Variants in NACC2 observed in about 807,000 individuals in gnomAD.
NACC2 encodes the protein nucleus accumbens-associated protein 2.
Under a neutral mutation model 25.1 loss-of-function variants are expected in NACC2, and 8 were observed. That is an observed-to-expected ratio of 0.32 (90% CI 0.19 to 0.57). The LOEUF is 0.57. Among genes scored for constraint, NACC2 ranks in the 20% least tolerant of loss-of-function variants. NACC2 has a pLI of 0.89. For synonymous variants in NACC2, 435 were observed against 294.7 expected, an observed-to-expected ratio of 1.48 and a Z score of -4.88; for missense variants, 644 against 650.2, an observed-to-expected ratio of 0.99 and a Z score of 0.10.
chr9:136,022,899 G>A lies in NACC2; in HGVS notation c.887-6470C>T, dbSNP rs1452678242. ...AAGGCAAACCATCACCAATTACCAC[G>A]CCATGCCACGCCACACCGTGCCTGT... is the stretch of plus-strand genomic sequence containing the variant. On this transcript the variant is annotated intron_variant, in intron 2 of 5. Coordinates refer to ENST00000277554, the MANE Select transcript of NACC2 (RefSeq NM_144653.5). This position sits in a 1 kb window ranked among gnomAD's most constrained non-coding sequence, Gnocchi z 4.4. 7.7e-6 allele frequency among the ~76,000 whole-genome samples: 1 copy of A among 129,358 alleles called. No individual in the cohort carries two copies. Among genetic ancestry groups the A allele is most frequent in the Non-Finnish European group, 1.6e-5 (1 of 62,376 alleles). 84.9% of individuals were successfully genotyped at this position (129,358 alleles called of 152,430 possible).
chr9:136,027,746 GCTTTA>G (rs1381036186), intron 2 of NACC2, among the ~76,000 whole-genome samples: 1 of 152,100 alleles, frequency 6.6e-6, no homozygotes, highest in Non-Finnish European at 1.5e-5. Flanking sequence ...AGCCCTAAGT[GCTTTA>G]CTTTAAAAGG....
In NACC2 at chr9:136,051,863, G is replaced by A. The variant is rs891852843; in HGVS notation, c.-59-1283C>T. On this transcript the variant is annotated intron_variant, in intron 1 of 5. Coordinates refer to ENST00000277554, the MANE Select transcript of NACC2 (RefSeq NM_144653.5). ...GCGGGAGCCCTGGGGCGGGGAGGGC[G>A]CAGGGAGCCGGCAAGGAGGAGGAGG... Among the ~76,000 whole-genome samples the A allele has an allele frequency of 5.7e-4, 86 of 150,690 alleles. 1 individual carries two copies. Among genetic ancestry groups the A allele is most frequent in the African/African-American group, 2.1e-3 (84 of 40,830 alleles).
rs200462467 is a variant in NACC2 at position 136,063,906 on chromosome 9, AC to A, written c.-59-13327del. Among the ~76,000 whole-genome samples the A allele has an allele frequency of 2.3e-3, 344 of 151,384 alleles. 3 individuals carry two copies. Among genetic ancestry groups the A allele is most frequent in the African/African-American group, 7.9e-3 (326 of 41,148 alleles). ...CTCAAAAAAAAAAAAAACAAAAAAA[AC>A]AAAAATCACTTAAACAGCTGTGCCC... On this transcript the variant is annotated intron_variant, in intron 1 of 5. Coordinates refer to ENST00000277554, the MANE Select transcript of NACC2 (RefSeq NM_144653.5).
At chr9:136,051,359 C>T (rs1840832235) in intron 1 of NACC2, among the ~76,000 whole-genome samples, 1 of 152,188 alleles carries the variant, frequency 6.6e-6, no homozygotes, top group Non-Finnish European at 1.5e-5. Flanking sequence ...CGCGGACGCC[C>T]CCCACCCCGC....
At chr9:136,081,340 G>C (rs182511744) in intron 1 of NACC2, among the ~76,000 whole-genome samples, 2 of 152,190 alleles carry the variant, frequency 1.3e-5, no homozygotes, top group African/African-American at 4.8e-5. Flanking sequence ...CCCCAACCAA[G>C]ATGAAGCCAG....
At chr9:136,058,257 C>T (rs1268423935) in intron 1 of NACC2, among the ~76,000 whole-genome samples, 4 of 152,232 alleles carry the variant, frequency 2.6e-5, no homozygotes, top group Non-Finnish European at 4.4e-5. Context: ...CCCCAAAGGG[C>T]GAACTACAGG....
intron 3 of NACC2, among the ~76,000 whole-genome samples, 176 bp downstream of exon 3, chr9:136,016,089 A>G (rs1220610116): frequency 7.2e-5 from 11 of 152,228 alleles, no homozygotes; most frequent in Admixed American, 7.2e-4. Context: ...TGCTAAATTA[A>G]TTCAATTGAA....
chr9:136,080,431 G>A (rs1208622200), intron 1 of NACC2, among the ~76,000 whole-genome samples: 1 of 152,184 alleles, frequency 6.6e-6, no homozygotes, highest in South Asian at 2.1e-4. Context: ...AATTAGCTGG[G>A]CGTGGTGGCG....
rs1185717905 is a variant in NACC2, at chr9:136,084,202, C to T, written c.-60+10987G>A. Among the ~76,000 whole-genome samples the T allele has an allele frequency of 1.3e-5, 2 of 152,142 alleles. No individual in the cohort carries two copies. Among genetic ancestry groups the T allele is most frequent in the East Asian group, 3.9e-4 (2 of 5,188 alleles). ...CGATGAGACCCTCAACACCCACTCA[C>T]CAACCTGCAGCCTCCCCGCTCCCAG... On this transcript the variant is annotated intron_variant, in intron 1 of 5. Transcript: ENST00000277554. This position sits in a 1 kb window ranked among gnomAD's most constrained non-coding sequence, Gnocchi z 5.1.
In NACC2 at chr9:136,016,290, G is replaced by A. The variant is rs752889119; in HGVS notation, c.1026C>T (p.Pro342=). The change falls in exon 3 of 6, where the codon CCC becomes CCT. Residue 342 remains proline (P), a synonymous_variant. Coordinates refer to ENST00000277554, the MANE Select transcript of NACC2 (RefSeq NM_144653.5). Reference sequence around the variant, plus strand: ...CTGCCACCAGCTCCAGCTTCTCCCCGGGGTCCCCTTCCGAGTAGAGCTTGG... The same window carrying A: ...CTGCCACCAGCTCCAGCTTCTCCCCAGGGTCCCCTTCCGAGTAGAGCTTGG... ...CHPKLYSEGD[P]GEKLELVAGS... The A allele has an allele frequency of 1.2e-5, 20 of 1,612,844 alleles. No individual in the cohort carries two copies. Among genetic ancestry groups the A allele is most frequent in the African/African-American group, 2.7e-5 (2 of 74,898 alleles).
chr9:136,092,873 G>A lies in NACC2; in HGVS notation c.-60+2316C>T, dbSNP rs568464997. 7.2e-5 allele frequency among the ~76,000 whole-genome samples: 11 copies of A among 152,308 alleles called. 1 individual carries two copies. Among genetic ancestry groups the A allele is most frequent in the South Asian group, 2.1e-4 (1 of 4,826 alleles). The stretch of plus-strand genomic sequence containing the variant: ...ACCGGCCACAGTCCAACTGGATCTC[G>A]GAACCCACTGCGTGACCCTGCAAAG... On this transcript the variant is annotated intron_variant, in intron 1 of 5. Transcript: ENST00000277554.
chr9:136,083,627 G>A (rs183854860), intron 1 of NACC2, among the ~76,000 whole-genome samples: 72 of 152,238 alleles, frequency 4.7e-4, no homozygotes, highest in East Asian at 3.9e-3. Flanking sequence ...ACTGGCACGA[G>A]ACGGGCATGA....
Position 136,060,433 on chromosome 9 carries a change from G to A in NACC2, c.-59-9853C>T, listed in dbSNP as rs73668056. On this transcript the variant is annotated intron_variant, in intron 1 of 5. Coordinates refer to ENST00000277554, the MANE Select transcript of NACC2 (RefSeq NM_144653.5). The stretch of plus-strand genomic sequence containing the variant: ...TACAAACACCCAACTTCTACAGCTC[G>A]GGAATGGCAACTGTGAAACTGTGGC... Among the ~76,000 whole-genome samples the A allele has an allele frequency of 7.0e-3, 1,066 of 152,352 alleles. 14 individuals are homozygous for A. The highest frequency in any genetic ancestry group is 0.024 in the African/African-American group (1,008 of 41,578).
intron 1 of NACC2, among the ~76,000 whole-genome samples, chr9:136,065,811 C>CAAA (rs34024892): frequency 0.017 from 2,346 of 136,870 alleles, 60 homozygotes; most frequent in African/African-American, 0.06. Flanking sequence ...ACCCTGTCTC[C>CAAA]AAAAAAAAAA....
chr9:136,085,502 CAA>C (rs995128721), intron 1 of NACC2, among the ~76,000 whole-genome samples: 4 of 133,284 alleles, frequency 3.0e-5, no homozygotes, highest in Non-Finnish European at 3.3e-5. Context: ...GCAAGACTCT[CAA>C]AAAAAAAAAA....
At chr9:136,024,896 A>G (rs976660322) in intron 2 of NACC2, among the ~76,000 whole-genome samples, 1 of 152,240 alleles carries the variant, frequency 6.6e-6, no homozygotes, top group Non-Finnish European at 1.5e-5. Flanking sequence ...AGTGGCTGAC[A>G]GAGCCGGGAG....
chr9:136,060,063 G>A (rs146037208), intron 1 of NACC2, among the ~76,000 whole-genome samples: 1 of 152,350 alleles, frequency 6.6e-6, no homozygotes, highest in African/African-American at 2.4e-5. Flanking sequence ...CCGGCTGCCC[G>A]CATCTGCCCT....
chr9:136,048,449 G>A (rs1178216243), intron 2 of NACC2, among the ~76,000 whole-genome samples: 1 of 152,202 alleles, frequency 6.6e-6, no homozygotes, highest in Non-Finnish European at 1.5e-5. Flanking sequence ...CCAGTCTCAG[G>A]ACAAATCAAG....
At chr9:136,044,287 G>A (rs1049499941) in intron 2 of NACC2, among the ~76,000 whole-genome samples, 3 of 152,136 alleles carry the variant, frequency 2.0e-5, no homozygotes, top group Admixed American at 6.6e-5. Flanking sequence ...AGGCTGAGGC[G>A]GGAGGATTTC....
Sources: allele counts gnomAD v4.1 joint callset (sites outside exome capture counted in the v4.1 genomes callset), GRCh38; gene constraint gnomAD v4.1.1; non-coding constraint Gnocchi (gnomAD v3.1); transcripts MANE v1.5; gene names NCBI Gene and HGNC (gene_info 2026-07-23, HGNC 2026-07-21).